The following STAT3 variants were observed in gnomAD, a reference collection of about 807,000 sequenced individuals.
STAT3 encodes the protein DNA-binding protein APRF.
STAT3 carries 7 observed loss-of-function variants against 114.3 expected under a neutral mutation model. The observed-to-expected ratio is 0.06, with a 90% CI of 0.03 to 0.11. STAT3 has a LOEUF of 0.11. STAT3 is among the 10% of genes least tolerant of loss of function. The probability of loss-of-function intolerance (pLI) is 1.00; values close to 1 mark genes in which losing one functional copy is unlikely to be tolerated. For synonymous variants in STAT3, 331 were observed against 354.5 expected (o/e 0.93, Z 0.74); for missense variants, 364 against 960.9 (o/e 0.38, Z 8.21).
At chr17:42,317,628 C>T (rs550967313) in intron 21 of STAT3, 1 of 277,692 alleles carries the variant, frequency 3.6e-6, no homozygotes, top group East Asian at 8.0e-5. Context: ...AGGAACCGAG[C>T]CTGTGTAGTC....
chr17:42,352,678 C>A (rs1433438998), intron 1 of STAT3, among the ~76,000 whole-genome samples: 1 of 151,358 alleles, frequency 6.6e-6, no homozygotes, highest in Non-Finnish European at 1.5e-5. Context: ...AAATCTGCCT[C>A]ATAGACTAAA....
intron 10 of STAT3, among the ~76,000 whole-genome samples, chr17:42,332,264 G>GT (rs1172615584): frequency 1.3e-5 from 2 of 150,716 alleles, no homozygotes; most frequent in Admixed American, 1.3e-4. Flanking sequence ...ATAGGGCTGG[G>GT]TGCGGTGACT....
chr17:42,371,510 TAAAA>T (rs768004002), intron 1 of STAT3, among the ~76,000 whole-genome samples: 1 of 129,906 alleles, frequency 7.7e-6, no homozygotes, highest in African/African-American at 2.9e-5. Context: ...CGTCTCTAAT[TAAAA>T]AAAAAAAAAA....
intron 8 of STAT3, 81 bp from the exon 9 acceptor site, chr17:42,334,130 G>T: frequency 1.3e-6 from 2 of 1,500,578 alleles, no homozygotes; most frequent in Non-Finnish European, 1.8e-6. Flanking sequence ...AAATACTGAA[G>T]ACATGGAGAC....
At chr17:42,325,785 A>G (rs1034123910) in intron 15 of STAT3, among the ~76,000 whole-genome samples, 1 of 152,042 alleles carries the variant, frequency 6.6e-6, no homozygotes, top group Non-Finnish European at 1.5e-5. Context: ...GCTGGTCTCG[A>G]ACTCCTGACC....
At chr17:42,357,850 A>G (rs2083302341) in intron 1 of STAT3, among the ~76,000 whole-genome samples, 1 of 152,132 alleles carries the variant, frequency 6.6e-6, no homozygotes, top group Admixed American at 6.5e-5. Flanking sequence ...TTTAAGTCCA[A>G]ATAGTACCTT....
chr17:42,340,915 A>G (rs1398797445), intron 4 of STAT3, among the ~76,000 whole-genome samples: 1 of 152,114 alleles, frequency 6.6e-6, no homozygotes, highest in African/African-American at 2.4e-5. Flanking sequence ...CTAGAGGCCT[A>G]TCCCTCTGCC....
intron 1 of STAT3, chr17:42,374,195 T>C (rs1830561095): frequency 6.6e-6 from 1 of 152,144 alleles, no homozygotes; most frequent in Admixed American, 6.5e-5. Flanking sequence ...GTAAGTGAAG[T>C]GGTGGCTGTG....
chr17:42,348,580 T>A, intron 1 of STAT3, 41 bp from the exon 2 acceptor site: 1 of 1,609,690 alleles, frequency 6.2e-7, no homozygotes, highest in South Asian at 1.1e-5. Context: ...CAAGTCCCAG[T>A]AGGGGTAAAC....
Position 42,385,992 on chromosome 17 carries a change from CTGA to C in STAT3, c.-24+2284_-24+2286del, listed in dbSNP as rs568615174. Among the ~76,000 whole-genome samples, 507 of 152,188 alleles carry C rather than the reference CTGA, an allele frequency of 3.3e-3. 3 individuals carry two copies. Among genetic ancestry groups the C allele is most frequent in the African/African-American group, 0.011 (476 of 41,530 alleles). ...TGTTCAGATATATGTTAGAATTTCA[CTGA>C]TACTTACTGGGCGCGGTGGCTCACA... On this transcript the variant is annotated intron_variant, in intron 1 of 23. Transcript: ENST00000264657.
chr17:42,377,983 A>ATTTT (rs11378560), intron 1 of STAT3, among the ~76,000 whole-genome samples: 9 of 127,698 alleles, frequency 7.0e-5, no homozygotes, highest in Non-Finnish European at 7.9e-5. Context: ...CAGAAACAGG[A>ATTTT]TTTTTTTTTT....
chr17:42,349,381 G>A (rs998437427), intron 1 of STAT3, among the ~76,000 whole-genome samples: 2 of 152,196 alleles, frequency 1.3e-5, no homozygotes, highest in Admixed American at 6.5e-5. Flanking sequence ...CCCAACAAAT[G>A]TCGGTTCCTT....
At chr17:42,317,337 G>T in intron 21 of STAT3, 113 bp from the exon 22 acceptor site, 2 of 1,252,224 alleles carry the variant, frequency 1.6e-6, no homozygotes, top group African/African-American at 1.5e-5. Flanking sequence ...TCATCCTCAT[G>T]CCAAGATTGT....
In STAT3 at chr17:42,313,379, C is replaced by CAAAAAAAAAA. The variant is rs397857989; in HGVS notation, c.*2356_*2365dup. ...AGTTAAAGTAGATACAGCAATATAC[C>CAAAAAAAAAA]AAAAAAAAAAAAAAAAAAAAAAGAC... On this transcript the variant is annotated 3_prime_UTR_variant, in exon 24 of 24. Transcript: ENST00000264657. The CAAAAAAAAAA allele has an allele frequency of 2.0e-4, 17 of 82,992 alleles. No individual in the cohort carries two copies. Among genetic ancestry groups the CAAAAAAAAAA allele is most frequent in the South Asian group, 5.7e-4 (1 of 1,754 alleles). 5.1% of individuals were successfully genotyped at this position (82,992 alleles called of 1,614,324 possible).
intron 1 of STAT3, among the ~76,000 whole-genome samples, chr17:42,384,133 T>G (rs190512079): frequency 5.4e-4 from 13 of 24,178 alleles, no homozygotes; most frequent in African/African-American, 7.2e-4. Flanking sequence ...TATTTATTTA[T>G]TTTTTTTTTT....
rs1258516212 is a variant in STAT3, at chr17:42,346,442, T to C, written c.273+127A>G. ...TTGAGAAAGGGCTAATTACTTCTCC[T>C]GTGATTGAAAATACAAGATAGATTC... On this transcript the variant is annotated intron_variant, in intron 3 of 23. Coordinates refer to ENST00000264657, the MANE Select transcript of STAT3 (RefSeq NM_139276.3). 9.3e-6 allele frequency: 13 copies of C among 1,396,670 alleles called. No homozygotes were observed. In the East Asian group the frequency reaches 2.1e-4, roughly 22 times the overall value. The allele number at this position is 1,396,670 out of a possible 1,614,324, so 86.5% of individuals were successfully genotyped here. A position where few individuals can be genotyped will look rare whatever the true frequency, so the allele number is the denominator to read the frequency against.
chr17:42,316,597 G>C, intron 23 of STAT3, 192 bp downstream of exon 23: 4 of 1,414,804 alleles, frequency 2.8e-6, no homozygotes, highest in Non-Finnish European at 3.8e-6. Context: ...AATTAAGTTC[G>C]TCTATTTCCA....
intron 2 of STAT3, 87 bp downstream of exon 2, chr17:42,348,302 G>T (rs1334591396): frequency 6.3e-7 from 1 of 1,576,236 alleles, no homozygotes; most frequent in African/African-American, 1.3e-5. Context: ...TTTTTTAATG[G>T]AACAGCAAGG....
intron 1 of STAT3, among the ~76,000 whole-genome samples, chr17:42,382,873 C>G (rs1284518616): frequency 5.9e-5 from 9 of 152,016 alleles, no homozygotes; most frequent in Non-Finnish European, 1.0e-4. Context: ...GTCTCGATCT[C>G]CTGACCTCGT....
Sources: gnomAD v4.1 joint callset for allele counts (sites outside exome capture counted in the v4.1 genomes callset) on GRCh38, gnomAD v4.1.1 for gene constraint, MANE v1.5 for transcripts, NCBI Gene and HGNC (gene_info 2026-07-23, HGNC 2026-07-21) for gene names.